Variants in GRN observed in about 807,000 individuals in gnomAD.
GRN encodes the protein granulin precursor.
Under a neutral mutation model 66.7 loss-of-function variants are expected in GRN, and 30 were observed. The observed-to-expected ratio is 0.45, with a 90% CI of 0.34 to 0.61. GRN has a LOEUF of 0.61. GRN is among the 20% of genes least tolerant of loss of function. GRN has a pLI of 0.01. For synonymous variants in GRN, 327 were observed against 311.1 expected (o/e 1.05, Z -0.54); for missense variants, 731 against 803.5 (o/e 0.91, Z 1.09).
chr17:44,346,858 G>C (rs1356202290), intron 1 of GRN, among the ~76,000 whole-genome samples: 1 of 152,212 alleles, frequency 6.6e-6, no homozygotes, highest in African/African-American at 2.4e-5. Context: ...GCTCATGCCT[G>C]TAATCCCACC....
rs754766590 is a variant in GRN at position 44,352,111 on chromosome 17, C to G, written c.1276C>G (p.Leu426Val). 7 of 1,613,708 alleles carry G rather than the reference C, an allele frequency of 4.3e-6. No individual in the cohort carries two copies. The East Asian group carries it at 1.1e-4, about 26-fold the overall frequency. ...GCGAGGAAGCGAGATCGTGGCTGGA[C>G]TGGAGAAGATGCCTGCCCGCCGGGC... Reference protein sequence around the residue: ...CQRGSEIVAGLEKMPARRASL... With the variant: ...CQRGSEIVAGVEKMPARRASL... The change falls in exon 11 of 13, where the codon CTG (leucine) becomes GTG (valine). Residue 426 changes from leucine to valine, a missense_variant. Coordinates refer to ENST00000053867, the MANE Select transcript of GRN (RefSeq NM_002087.4).
At chr17:44,348,494 C>G (rs947546415) in intron 1 of GRN, among the ~76,000 whole-genome samples, 10 of 152,192 alleles carry the variant, frequency 6.6e-5, no homozygotes, top group African/African-American at 2.4e-4. Context: ...AAGGGCTGAC[C>G]CAGCTTCTGT....
At chr17:44,346,823 A>G (rs1306201200) in intron 1 of GRN, among the ~76,000 whole-genome samples, 1 of 152,174 alleles carries the variant, frequency 6.6e-6, no homozygotes, top group Non-Finnish European at 1.5e-5. Flanking sequence ...ATACAATGGA[A>G]ATGACATGTC....
Position 44,352,078 on chromosome 17 carries a change from C to G in GRN, c.1243C>G (p.Gln415Glu), listed in dbSNP as rs775888774. The change falls in exon 11 of 13, where the codon CAG becomes GAG. Residue 415 changes from glutamine (Q) to glutamate (E), a missense_variant. Around this residue, in one of 3 missense-constraint regions of GRN, gnomAD observed 319 missense variants for 347.2 expected, o/e 0.92. Transcript: ENST00000053867. ...PQGYTCVAEG[Q>E]CQRGSEIVAG... ...GGGCTACACGTGTGTAGCTGAGGGG[C>G]AGTGTCAGCGAGGAAGCGAGATCGT... 9.3e-6 allele frequency: 15 copies of G among 1,613,782 alleles called. No individual in the cohort carries two copies. The Admixed American group carries it at 2.5e-4, about 27-fold the overall frequency.
chr17:44,353,104 T>C lies in GRN; in HGVS notation c.*306T>C. The C allele has an allele frequency of 3.9e-6, 2 of 513,994 alleles. No individual in the cohort carries two copies. The highest frequency in any genetic ancestry group is 6.9e-5 in the East Asian group (2 of 29,070). 31.8% of individuals were successfully genotyped at this position (513,994 alleles called of 1,614,324 possible). ...TTTCAATAAAGTTTGTACACTTTCT[T>C]AACAGTGTCTGATTTGCCGCCCTGC... On this transcript the variant is annotated 3_prime_UTR_variant, in exon 13 of 13. Coordinates refer to ENST00000053867, the MANE Select transcript of GRN (RefSeq NM_002087.4).
chr17:44,350,174 G>A (rs1244628473), intron 4 of GRN, 54 bp from the exon 5 acceptor site: 3 of 1,229,254 alleles, frequency 2.4e-6, no homozygotes, highest in Non-Finnish European at 3.6e-6. Context: ...TGTGTGATGG[G>A]GGAGTCACCT....
chr17:44,350,799 A>G lies in GRN; in HGVS notation c.707A>G (p.Asn236Ser), dbSNP rs748488644. Residue 236 changes from asparagine (N) to serine (S), a missense_variant and splice_region_variant, in exon 7 of 13, where the codon AAC becomes AGC. This residue lies in a region of GRN where 370 missense variants were observed against 379.8 expected (regional missense o/e 0.97). Coordinates refer to ENST00000053867, the MANE Select transcript of GRN (RefSeq NM_002087.4). ...SGKYGCCPMP[N>S]ATCCSDHLHC... is the part of the protein sequence containing the mutation. The stretch of plus-strand genomic sequence containing the variant: ...AAGTATGGCTGCTGCCCAATGCCCA[A>G]CGTGAGTGAGGGGCTGGAGCCAGCT... 4 of 1,607,070 alleles carry G rather than the reference A, an allele frequency of 2.5e-6. No individual in the cohort carries two copies. Among genetic ancestry groups the G allele is most frequent in the Admixed American group, 1.7e-5 (1 of 60,014 alleles).
At chr17:44,348,335 G>A (rs1367940583) in intron 1 of GRN, among the ~76,000 whole-genome samples, 1 of 152,156 alleles carries the variant, frequency 6.6e-6, no homozygotes, top group Non-Finnish European at 1.5e-5. Context: ...GACTCAGATG[G>A]GCAGCCCAGT....
At position 44,352,883 on chromosome 17, in the gene GRN, C is replaced by A; in HGVS notation, c.*85C>A. The A allele has an allele frequency of 1.5e-6, 2 of 1,292,364 alleles. No individual in the cohort carries two copies. The highest frequency in any genetic ancestry group is 2.4e-5 in the South Asian group (2 of 82,110). The allele number at this position is 1,292,364 out of a possible 1,614,324, so 80.1% of individuals were successfully genotyped here. A position where few individuals can be genotyped will look rare whatever the true frequency, so the allele number is the denominator to read the frequency against. On this transcript the variant is annotated 3_prime_UTR_variant, in exon 13 of 13. Coordinates refer to ENST00000053867, the MANE Select transcript of GRN (RefSeq NM_002087.4). ...AGGCCTCCCTAGCACCTCCCCCTAACCAAATTCTCCCTGGACCCCATTCTG... is the reference window on the plus strand; with the variant it reads ...AGGCCTCCCTAGCACCTCCCCCTAAACAAATTCTCCCTGGACCCCATTCTG...
At chr17:44,349,841 T>C in intron 4 of GRN, 90 bp downstream of exon 4, 1 of 855,706 alleles carries the variant, frequency 1.2e-6, no homozygotes, top group South Asian at 1.4e-5. Flanking sequence ...CAGCCCTGAT[T>C]CCTGCCCTTG....
chr17:44,351,144 T>C lies in GRN; in HGVS notation c.816T>C (p.Thr272=). The C allele has an allele frequency of 6.2e-7, 1 of 1,614,106 alleles. No individual in the cohort carries two copies. Among genetic ancestry groups the C allele is most frequent in the East Asian group, 2.2e-5 (1 of 44,876 alleles). Residue 272 remains threonine, a synonymous_variant, in exon 8 of 13, where the codon ACT becomes ACC. Coordinates refer to ENST00000053867, the MANE Select transcript of GRN (RefSeq NM_002087.4). ...SKENATTDLL[T]KLPAHTVGDV... is the part of the protein sequence containing the mutation. ...AGAACGCTACCACGGACCTCCTCAC[T>C]AAGCTGCCTGCGCACACAGGTACCA...
At chr17:44,351,235 C>T in intron 8 of GRN, 72 bp downstream of exon 8, 1 of 1,585,684 alleles carries the variant, frequency 6.3e-7, no homozygotes, top group African/African-American at 1.3e-5. Flanking sequence ...CTTAGGATCA[C>T]TGCAAGGTGG....
chr17:44,345,652 C>T (rs1423146130), intron 1 of GRN: 2 of 152,814 alleles, frequency 1.3e-5, no homozygotes, highest in African/African-American at 4.8e-5. Flanking sequence ...GGGTGGTTCC[C>T]GCGGCGGCCT....
Position 44,352,861 on chromosome 17 carries a change from C to T in GRN, c.*63C>T. On this transcript the variant is annotated 3_prime_UTR_variant, in exon 13 of 13. Transcript: ENST00000053867. The stretch of plus-strand genomic sequence containing the variant: ...ACTCGGAGGGTGCCCTCTGCTCAGG[C>T]CTCCCTAGCACCTCCCCCTAACCAA... 6.6e-7 allele frequency: 1 copy of T among 1,524,042 alleles called. No individual in the cohort carries two copies. The highest frequency in any genetic ancestry group is 9.0e-7 in the Non-Finnish European group (1 of 1,112,232). The allele number at this position is 1,524,042 out of a possible 1,614,324, so 94.4% of individuals were successfully genotyped here. A position where few individuals can be genotyped will look rare whatever the true frequency, so the allele number is the denominator to read the frequency against.
rs375090795 is a variant in GRN at position 44,351,991 on chromosome 17, C to T, written c.1180-24C>T. 2.3e-5 allele frequency: 36 copies of T among 1,585,290 alleles called. No individual in the cohort carries two copies. In the African/African-American group the frequency reaches 2.7e-4, roughly 12 times the overall value. On this transcript the variant is annotated intron_variant, in intron 10 of 12. Transcript: ENST00000053867. ...CGCCCCACATAGTGGCTACCTACAA[C>T]GCCCTTTCCTGCCCACCCCCCAGGC...
chr17:44,351,271 C>A, intron 8 of GRN, 92 bp from the exon 9 acceptor site: 1 of 1,528,226 alleles, frequency 6.5e-7, no homozygotes, highest in Non-Finnish European at 9.1e-7. Context: ...CCATCTTCAA[C>A]ACCTGGTTCC....
intron 1 of GRN, 113 bp from the exon 2 acceptor site, chr17:44,349,045 G>C: frequency 1.7e-6 from 2 of 1,167,966 alleles, no homozygotes; most frequent in Non-Finnish European, 2.5e-6. Flanking sequence ...TGTTGAGAAG[G>C]CTCAGGCAGT....
intron 4 of GRN, 136 bp downstream of exon 4, chr17:44,349,887 G>T: frequency 1.4e-6 from 1 of 693,016 alleles, no homozygotes. Context: ...CTAAGCAACA[G>T]CCCTGCTGTG....
intron 10 of GRN, 71 bp downstream of exon 10, chr17:44,351,866 G>C: frequency 6.5e-7 from 1 of 1,542,818 alleles, no homozygotes; most frequent in Non-Finnish European, 8.9e-7. Flanking sequence ...TCTGCCCTCC[G>C]CATAGCCCAT....
Sources: allele counts gnomAD v4.1 joint callset (sites outside exome capture counted in the v4.1 genomes callset), GRCh38; gene constraint gnomAD v4.1.1; regional missense constraint gnomAD v4.1.1; transcripts MANE v1.5; gene names NCBI Gene and HGNC (gene_info 2026-07-23, HGNC 2026-07-21).